The following NFIA variants were observed in gnomAD, a reference collection of about 807,000 sequenced individuals.
The protein encoded by NFIA is nuclear factor 1 A-type.
Under a neutral mutation model 62.8 loss-of-function variants are expected in NFIA, and 8 were observed. The observed-to-expected ratio is 0.13, with a 90% CI of 0.07 to 0.23. The LOEUF (loss-of-function observed/expected upper bound fraction) is 0.23. Ranked by LOEUF, NFIA falls within the 10% of genes least tolerant of loss-of-function variation. The pLI, the probability that NFIA is intolerant of heterozygous loss-of-function variation, is 1.00. For missense variants in NFIA, 410 were observed against 642.1 expected, an observed-to-expected ratio of 0.64 and a Z score of 3.91; for synonymous variants, 235 against 238.1, an observed-to-expected ratio of 0.99 and a Z score of 0.12.
At chr1:61,201,446 G>A in intron 2 of NFIA, among the ~76,000 whole-genome samples, 1 of 149,872 alleles carries the variant, frequency 6.7e-6, no homozygotes, top group Admixed American at 6.7e-5. Flanking sequence ...AAATTATAAA[G>A]AACTTAAAAG....
Position 61,457,353 on chromosome 1 carries a change from T to A in NFIA, c.*2033T>A, listed in dbSNP as rs1032198770. On this transcript the variant is annotated 3_prime_UTR_variant, in exon 11 of 11. Transcript: ENST00000403491. This position sits in a 1 kb window ranked among gnomAD's most constrained non-coding sequence, Gnocchi z 4.2. ...TCCCTAGTCAAGCATTTGGAGACAC[T>A]TTTTGTAAATGTGACTTTTATGTCA... is the stretch of plus-strand genomic sequence containing the variant. The A allele has an allele frequency of 2.6e-5, 4 of 152,224 alleles. No individual in the cohort carries two copies. Among genetic ancestry groups the A allele is most frequent in the Non-Finnish European group, 4.4e-5 (3 of 68,030 alleles). The allele number at this position is 152,224 out of a possible 1,614,324, so 9.4% of individuals were successfully genotyped here. A position where few individuals can be genotyped will look rare whatever the true frequency, so the allele number is the denominator to read the frequency against.
At chr1:61,452,795 G>T (rs900711837) in intron 10 of NFIA, among the ~76,000 whole-genome samples, 16 of 152,158 alleles carry the variant, frequency 1.1e-4, no homozygotes, top group African/African-American at 3.9e-4. Context: ...AGAGTGTGTG[G>T]TTAGCATTTA....
At chr1:61,318,610 A>G (rs1463149569) in intron 3 of NFIA, among the ~76,000 whole-genome samples, 1 of 152,186 alleles carries the variant, frequency 6.6e-6, no homozygotes, top group Non-Finnish European at 1.5e-5. Context: ...CTGGGAATTG[A>G]ATTCCTTAAT....
rs765054271 is a variant in NFIA, at chr1:61,383,390, G to A, written c.1075+25G>A. The A allele has an allele frequency of 1.2e-5, 19 of 1,613,182 alleles. 2 individuals carry two copies. The South Asian group carries it at 2.1e-4, about 18-fold the overall frequency. ...GGTGAGCTGCTCCACAGGCACCCTT[G>A]GTTGTGCTTATATCATGGCCTTTGG... On this transcript the variant is annotated intron_variant, in intron 7 of 10. Transcript: ENST00000403491.
intron 2 of NFIA, among the ~76,000 whole-genome samples, chr1:61,189,306 C>G (rs533740751): frequency 6.6e-6 from 1 of 152,124 alleles, no homozygotes; most frequent in Admixed American, 6.5e-5. Flanking sequence ...CTGTTCTGCT[C>G]TGCTTGGATT....
chr1:61,455,247 A>T, intron 10 of NFIA, 56 bp from the exon 11 acceptor site: 1 of 1,604,886 alleles, frequency 6.2e-7, no homozygotes, highest in South Asian at 1.1e-5. Flanking sequence ...GCAACTTCTA[A>T]AACACACGTT....
intron 2 of NFIA, among the ~76,000 whole-genome samples, chr1:61,232,777 C>G (rs903950784): frequency 2.0e-5 from 3 of 151,938 alleles, no homozygotes; most frequent in Admixed American, 6.5e-5. Context: ...TACTTTCTTC[C>G]CTTTTTATGT....
Position 61,371,215 on chromosome 1 carries a change from C to T in NFIA, c.946+11941C>T, listed in dbSNP as rs116266015. ...CTTCATGTTCGAATGTCAAAATCCA[C>T]GTGTAAGGCTTAAAAGTAGTATGGG... On this transcript the variant is annotated intron_variant, in intron 6 of 10. Transcript: ENST00000403491. Among the ~76,000 whole-genome samples the T allele has an allele frequency of 8.2e-3, 1,252 of 152,240 alleles. 8 individuals carry two copies. Among genetic ancestry groups the T allele is most frequent in the Middle Eastern group, 0.02 (6 of 294 alleles).
At chr1:61,141,420 G>GGA (rs1553154606) in intron 2 of NFIA, among the ~76,000 whole-genome samples, 2 of 151,642 alleles carry the variant, frequency 1.3e-5, no homozygotes, top group African/African-American at 4.9e-5. Flanking sequence ...TACTCAGGGG[G>GGA]AAAAAAAACC....
intron 7 of NFIA, among the ~76,000 whole-genome samples, chr1:61,399,201 G>A (rs533259097): frequency 6.6e-6 from 1 of 152,294 alleles, no homozygotes; most frequent in South Asian, 2.1e-4. Context: ...AATCTCACCT[G>A]TTGCCACTGC....
At chr1:61,313,694 G>A (rs752626848) in intron 3 of NFIA, among the ~76,000 whole-genome samples, 18 of 151,652 alleles carry the variant, frequency 1.2e-4, no homozygotes, top group Non-Finnish European at 1.9e-4. Context: ...ATCATTTGGT[G>A]AGAAAAAAAA....
intron 2 of NFIA, among the ~76,000 whole-genome samples, chr1:61,229,488 T>C (rs935518796): frequency 2.0e-5 from 3 of 152,160 alleles, no homozygotes; most frequent in Non-Finnish European, 4.4e-5. Context: ...TAAAATTTCT[T>C]GTATTTGATT....
At chr1:61,335,445 C>A (rs1181264904) in intron 4 of NFIA, among the ~76,000 whole-genome samples, 3 of 152,226 alleles carry the variant, frequency 2.0e-5, no homozygotes, top group African/African-American at 7.2e-5. Flanking sequence ...CTGCCCTCTT[C>A]CTTGTTCCCC....
intron 2 of NFIA, among the ~76,000 whole-genome samples, chr1:61,243,926 A>C (rs1032298070): frequency 6.6e-6 from 1 of 152,164 alleles, no homozygotes; most frequent in African/African-American, 2.4e-5. Context: ...TTCTTTAGGA[A>C]ATTTTTTCTA....
At chr1:61,258,011 A>G (rs563220198) in intron 2 of NFIA, among the ~76,000 whole-genome samples, 73 of 151,332 alleles carry the variant, frequency 4.8e-4, no homozygotes, top group South Asian at 2.9e-3. Context: ...AATCTTTATT[A>G]TTAGTTCATC....
intron 2 of NFIA, among the ~76,000 whole-genome samples, chr1:61,273,090 C>T (rs944034413): frequency 2.0e-5 from 3 of 152,094 alleles, no homozygotes; most frequent in African/African-American, 7.2e-5. Flanking sequence ...GGAATGACAT[C>T]GGTTTGTTTT....
intron 9 of NFIA, among the ~76,000 whole-genome samples, chr1:61,413,476 A>C (rs534235269): frequency 6.6e-6 from 1 of 152,252 alleles, no homozygotes; most frequent in African/African-American, 2.4e-5. Context: ...TAGGGAGTCA[A>C]ATACAGGCCT....
intron 2 of NFIA, among the ~76,000 whole-genome samples, chr1:61,185,063 G>A (rs1182699280): frequency 6.6e-6 from 1 of 152,184 alleles, no homozygotes; most frequent in Non-Finnish European, 1.5e-5. Flanking sequence ...AAGGATAGCT[G>A]CAAATTCCAA....
intron 2 of NFIA, among the ~76,000 whole-genome samples, chr1:61,090,238 G>A (rs1646297249): frequency 6.6e-6 from 1 of 152,158 alleles, no homozygotes; most frequent in South Asian, 2.1e-4. Context: ...AAGTATAGGT[G>A]TTACAGGTGC....
Sources: allele counts gnomAD v4.1 joint callset (sites outside exome capture counted in the v4.1 genomes callset), GRCh38; gene constraint gnomAD v4.1.1; non-coding constraint Gnocchi (gnomAD v3.1); transcripts MANE v1.5; gene names NCBI Gene and HGNC (gene_info 2026-07-23, HGNC 2026-07-21).